The following MRC1 variants were observed in gnomAD, a reference collection of about 807,000 sequenced individuals.
MRC1 encodes the protein mannose receptor C-type 1.
Under a neutral mutation model 102.9 loss-of-function variants are expected in MRC1, and 62 were observed. The observed-to-expected ratio is 0.60, with a 90% CI of 0.49 to 0.74. The LOEUF (loss-of-function observed/expected upper bound fraction) is 0.74, where lower values mean the gene tolerates loss of function less well. MRC1 is among the 30% of genes least tolerant of loss of function. MRC1 has a pLI of 0.00. For synonymous variants in MRC1, 457 were observed against 298.4 expected (o/e 1.53, Z -5.48); for missense variants, 1,237 against 862.8 (o/e 1.43, Z -5.43).
intron 12 of MRC1, among the ~76,000 whole-genome samples, chr10:17,867,834 C>A (rs1833298538): frequency 6.6e-6 from 1 of 152,164 alleles, no homozygotes; most frequent in Non-Finnish European, 1.5e-5. Flanking sequence ...ATAAAGTATT[C>A]TACAGTAATG....
chr10:17,865,979 A>C (rs988855294), intron 11 of MRC1, among the ~76,000 whole-genome samples: 16 of 152,224 alleles, frequency 1.1e-4, no homozygotes, highest in Admixed American at 9.2e-4. Flanking sequence ...TGACTGTAAG[A>C]CAGAATTATA....
intron 22 of MRC1, among the ~76,000 whole-genome samples, chr10:17,888,059 C>T (rs1436642075): frequency 6.6e-6 from 1 of 152,162 alleles, no homozygotes; most frequent in Non-Finnish European, 1.5e-5. Flanking sequence ...CTGCCTTGGC[C>T]TCCCAAAGTG....
intron 8 of MRC1, among the ~76,000 whole-genome samples, chr10:17,853,686 C>A (rs1554840691): frequency 6.6e-6 from 1 of 151,612 alleles, no homozygotes; most frequent in Non-Finnish European, 1.5e-5. Flanking sequence ...GATCTACTTA[C>A]AGCTACGGTG....
At chr10:17,829,942 C>G (rs1385824890) in intron 3 of MRC1, among the ~76,000 whole-genome samples, 3 of 151,242 alleles carry the variant, frequency 2.0e-5, no homozygotes, top group Non-Finnish European at 4.4e-5. Context: ...TGTATTTATG[C>G]CTTCACTGTC....
chr10:17,901,715 G>A (rs1833832227), intron 25 of MRC1, among the ~76,000 whole-genome samples: 1 of 151,988 alleles, frequency 6.6e-6, no homozygotes, highest in South Asian at 2.1e-4. Context: ...ATCTTTGTAG[G>A]TATCTATAGA....
Position 17,875,204 on chromosome 10 carries a change from A to T in MRC1, c.2501A>T (p.Asp834Val). The T allele has an allele frequency of 1.3e-6, 1 of 780,862 alleles. No homozygotes were observed. 48.4% of individuals were successfully genotyped at this position (780,862 alleles called of 1,614,324 possible). The change falls in exon 17 of 30, where the codon GAT (aspartate) becomes GTT (valine). Residue 834 changes from aspartate (D) to valine (V), a missense_variant. Transcript: ENST00000569591. ...GCGTTTTGCAAGAGGAATTTTGGTGATCTTGTTTCTATTCAAAGTGAAAGT... is the reference window on the plus strand; with the variant it reads ...GCGTTTTGCAAGAGGAATTTTGGTGTTCTTGTTTCTATTCAAAGTGAAAGT... The part of the protein sequence containing the change: ...ARAFCKRNFG[D>V]LVSIQSESEK...
chr10:17,843,264 T>C (rs1039169562), intron 5 of MRC1, among the ~76,000 whole-genome samples: 1 of 152,242 alleles, frequency 6.6e-6, no homozygotes, highest in Non-Finnish European at 1.5e-5. Context: ...GCTGATACCT[T>C]ATCTGTTAGT....
At chr10:17,897,700 T>C (rs2130713700) in intron 23 of MRC1, among the ~76,000 whole-genome samples, 2 of 152,364 alleles carry the variant, frequency 1.3e-5, no homozygotes, top group Middle Eastern at 6.8e-3. Context: ...CTATGTTCTT[T>C]AATTTGTGGG....
At chr10:17,837,632 A>G (rs1196723098) in intron 4 of MRC1, among the ~76,000 whole-genome samples, 1 of 151,216 alleles carries the variant, frequency 6.6e-6, no homozygotes, top group Non-Finnish European at 1.5e-5. Context: ...TTTATTTATT[A>G]TTATTATTTT....
At chr10:17,823,019 C>A in intron 1 of MRC1, 55 bp from the exon 2 acceptor site, 3 of 775,162 alleles carry the variant, frequency 3.9e-6, no homozygotes, top group Admixed American at 3.5e-5. Context: ...TTACATGAAT[C>A]CACTTAGCCA....
At chr10:17,823,029 A>G (rs1554838373) in intron 1 of MRC1, 45 bp from the exon 2 acceptor site, 3 of 778,672 alleles carry the variant, frequency 3.9e-6, no homozygotes, top group Admixed American at 3.4e-5. Context: ...CCACTTAGCC[A>G]TGCTTGCTTT....
intron 22 of MRC1, among the ~76,000 whole-genome samples, chr10:17,888,315 G>A (rs1238959567): frequency 1.3e-5 from 2 of 152,176 alleles, no homozygotes; most frequent in Non-Finnish European, 2.9e-5. Context: ...CTTTTGAAAT[G>A]TAAGTTTCAG....
chr10:17,863,782 T>A, intron 11 of MRC1, 100 bp downstream of exon 11: 1 of 688,970 alleles, frequency 1.5e-6, no homozygotes, highest in Non-Finnish European at 2.6e-6. Flanking sequence ...ACTAGGTAAA[T>A]TAGTCATGCT....
At chr10:17,900,688 A>G (rs1324692182) in intron 24 of MRC1, 100 bp from the exon 25 acceptor site, 24 of 769,328 alleles carry the variant, frequency 3.1e-5, no homozygotes, top group Non-Finnish European at 5.5e-5. Flanking sequence ...TTCTATGTCA[A>G]ATCATGGTCT....
intron 25 of MRC1, among the ~76,000 whole-genome samples, chr10:17,901,675 G>A (rs1833831509): frequency 1.3e-5 from 2 of 150,544 alleles, no homozygotes; most frequent in South Asian, 4.2e-4. Flanking sequence ...GGGGACAGGA[G>A]CAAGACTTCG....
intron 1 of MRC1, 88 bp downstream of exon 1, chr10:17,809,614 C>A: frequency 1.2e-6 from 1 of 836,836 alleles, no homozygotes; most frequent in Non-Finnish European, 2.1e-6. Context: ...GGGTTCCTTT[C>A]AACATCTTTG....
intron 26 of MRC1, among the ~76,000 whole-genome samples, chr10:17,905,304 T>C (rs2130723173): frequency 6.6e-6 from 1 of 152,356 alleles, no homozygotes; most frequent in Non-Finnish European, 1.5e-5. Flanking sequence ...GACACAGTCA[T>C]TTTTCTTGCA....
At chr10:17,906,499 C>T (rs1419029286) in intron 26 of MRC1, among the ~76,000 whole-genome samples, 1 of 152,036 alleles carries the variant, frequency 6.6e-6, no homozygotes, top group Non-Finnish European at 1.5e-5. Flanking sequence ...CTCTATCCTC[C>T]CTTTTATCTG....
intron 2 of MRC1, among the ~76,000 whole-genome samples, chr10:17,824,232 A>G (rs1162218369): frequency 1.3e-5 from 2 of 152,214 alleles, no homozygotes; most frequent in African/African-American, 4.8e-5. Context: ...ACAAAAATAC[A>G]ACACAACTTG....
Sources: allele counts gnomAD v4.1 joint callset (sites outside exome capture counted in the v4.1 genomes callset), GRCh38; gene constraint gnomAD v4.1.1; transcripts MANE v1.5; gene names NCBI Gene and HGNC (gene_info 2026-07-23, HGNC 2026-07-21).